ADAMTS17: variants seen among roughly 807,000 people sequenced by gnomAD.
ADAMTS17 encodes the protein A disintegrin and metalloproteinase with thrombospondin motifs 17.
Under a neutral mutation model 141.5 loss-of-function variants are expected in ADAMTS17, and 113 were observed. The observed-to-expected ratio is 0.80, with a 90% CI of 0.69 to 0.93. The LOEUF (loss-of-function observed/expected upper bound fraction) is 0.93, where lower values mean the gene tolerates loss of function less well. Ranked by LOEUF, ADAMTS17 falls within the 40% of genes least tolerant of loss-of-function variation. ADAMTS17 has a pLI of 0.00. For missense variants in ADAMTS17, 1,659 were observed against 1,517.9 expected, an observed-to-expected ratio of 1.09 and a Z score of -1.54; for synonymous variants, 768 against 630.6, an observed-to-expected ratio of 1.22 and a Z score of -3.27.
chr15:100,320,319 A>T lies in ADAMTS17; in HGVS notation c.616+10570T>A, dbSNP rs530205535. ...CGAGAGGGAGGCTGGGAAAATCACG[A>T]CAAGTCCCAAACAGAATAAACATGG... On this transcript the variant is annotated intron_variant, in intron 3 of 21. Transcript: ENST00000268070. Among the ~76,000 whole-genome samples the T allele has an allele frequency of 7.9e-5, 12 of 152,318 alleles. No homozygotes were observed. In the South Asian group the frequency reaches 2.5e-3, roughly 32 times the overall value.
At chr15:100,322,477 A>G (rs2045760863) in intron 3 of ADAMTS17, among the ~76,000 whole-genome samples, 1 of 152,230 alleles carries the variant, frequency 6.6e-6, no homozygotes, top group South Asian at 2.1e-4. Flanking sequence ...AATACTCTCC[A>G]GAGTAATAGA....
In ADAMTS17 at chr15:100,049,006, C is replaced by A; in HGVS notation, c.2456-14G>T. The A allele has an allele frequency of 6.2e-7, 1 of 1,614,166 alleles. No homozygotes were observed. Among genetic ancestry groups the A allele is most frequent in the Non-Finnish European group, 8.5e-7 (1 of 1,180,028 alleles). ...TTCTGCGCTCCCCTGGAAACCAAAC[C>A]ACAGGGAGCTGAGAGACTGTGGCTG... On this transcript the variant is annotated splice_polypyrimidine_tract_variant and intron_variant, in intron 17 of 21. Transcript: ENST00000268070.
At chr15:100,016,989 G>T (rs2061303393) in intron 18 of ADAMTS17, among the ~76,000 whole-genome samples, 1 of 152,154 alleles carries the variant, frequency 6.6e-6, no homozygotes, top group African/African-American at 2.4e-5. Flanking sequence ...ATTCAAGTGT[G>T]GGCAGGGGTG....
At position 100,261,493 on chromosome 15, in the gene ADAMTS17, G is replaced by A. The variant is rs4965613; in HGVS notation, c.1017C>T (p.Ala339=). Residue 339 remains alanine (A), a synonymous_variant, in exon 6 of 22, where the codon GCC becomes GCT. Coordinates refer to ENST00000268070, the MANE Select transcript of ADAMTS17 (RefSeq NM_139057.4). The part of the protein sequence containing the change: ...GKDDPPLVDA[A]VFVTRTDFCV... Reference sequence around the variant, plus strand: ...TCCCATCTTACCTGGTCACAAACACGGCAGCATCCACCAGGGGCGGGTCGT... The same window carrying A: ...TCCCATCTTACCTGGTCACAAACACAGCAGCATCCACCAGGGGCGGGTCGT... The A allele has an allele frequency of 0.68, 1,094,410 of 1,613,752 alleles. 372,144 individuals are homozygous for A. The highest frequency in any genetic ancestry group is 0.72 in the South Asian group (65,994 of 91,064).
intron 15 of ADAMTS17, among the ~76,000 whole-genome samples, chr15:100,055,884 C>T (rs964708545): frequency 6.6e-6 from 1 of 152,188 alleles, no homozygotes; most frequent in African/African-American, 2.4e-5. Flanking sequence ...GCAATGGGGG[C>T]AGAGAGAAGT....
intron 10 of ADAMTS17, among the ~76,000 whole-genome samples, chr15:100,147,105 T>G (rs776322655): frequency 4.6e-5 from 7 of 152,072 alleles, no homozygotes; most frequent in Non-Finnish European, 1.0e-4. Flanking sequence ...GCACACTCCC[T>G]CCCCTTTTGA....
intron 10 of ADAMTS17, among the ~76,000 whole-genome samples, chr15:100,148,324 A>T (rs1347342501): frequency 6.6e-6 from 1 of 152,222 alleles, no homozygotes; most frequent in Non-Finnish European, 1.5e-5. Flanking sequence ...CCACGAAATT[A>T]CTACTTCCAG....
At chr15:100,173,378 A>G (rs575690600) in intron 8 of ADAMTS17, among the ~76,000 whole-genome samples, 2 of 152,062 alleles carry the variant, frequency 1.3e-5, no homozygotes, top group South Asian at 2.1e-4. Context: ...GTCGATTTAC[A>G]ACCCAAAGTA....
intron 3 of ADAMTS17, among the ~76,000 whole-genome samples, chr15:100,282,765 T>C (rs939455068): frequency 6.6e-6 from 1 of 151,670 alleles, no homozygotes; most frequent in Non-Finnish European, 1.5e-5. Flanking sequence ...GGCAAAAAAA[T>C]GGAAATATAC....
At chr15:100,255,448 T>C (rs1163358883) in intron 6 of ADAMTS17, among the ~76,000 whole-genome samples, 3 of 152,116 alleles carry the variant, frequency 2.0e-5, no homozygotes, top group Non-Finnish European at 4.4e-5. Flanking sequence ...CCTAGAGACT[T>C]GATTTTTCCA....
In ADAMTS17 at chr15:100,304,359, T is replaced by C. The variant is rs140935480; in HGVS notation, c.617-22958A>G. Among the ~76,000 whole-genome samples, 799 of 152,342 alleles carry C rather than the reference T, an allele frequency of 5.2e-3. 8 individuals carry two copies. Among genetic ancestry groups the C allele is most frequent in the Middle Eastern group, 0.048 (14 of 294 alleles). On this transcript the variant is annotated intron_variant, in intron 3 of 21. Coordinates refer to ENST00000268070, the MANE Select transcript of ADAMTS17 (RefSeq NM_139057.4). ...GAGTAGCCCGTTTTGTCTGTTTGAA[T>C]GCTAGTATAATTTTTTTAACCTTAT...
chr15:100,046,505 A>T (rs547793048), intron 18 of ADAMTS17, among the ~76,000 whole-genome samples: 2 of 152,340 alleles, frequency 1.3e-5, no homozygotes, highest in South Asian at 4.1e-4. Flanking sequence ...AAACAGAACT[A>T]ATTTTAAAAC....
intron 16 of ADAMTS17, among the ~76,000 whole-genome samples, chr15:100,052,115 G>C (rs2032195582): frequency 6.6e-6 from 1 of 152,244 alleles, no homozygotes; most frequent in South Asian, 2.1e-4. Flanking sequence ...TTGCAGACAG[G>C]AAAGACACAG....
At chr15:100,181,050 C>T (rs1355863364) in intron 8 of ADAMTS17, among the ~76,000 whole-genome samples, 1 of 152,212 alleles carries the variant, frequency 6.6e-6, no homozygotes, top group Non-Finnish European at 1.5e-5. Flanking sequence ...GCCCTCTCCT[C>T]CCTCCTCTTT....
intron 15 of ADAMTS17, among the ~76,000 whole-genome samples, chr15:100,063,213 G>C (rs1252871269): frequency 1.3e-5 from 2 of 152,170 alleles, no homozygotes; most frequent in African/African-American, 2.4e-5. Context: ...TAGTGAAATT[G>C]GTATCCTTCT....
At chr15:100,010,576 C>T (rs1387919261) in intron 18 of ADAMTS17, among the ~76,000 whole-genome samples, 1 of 152,196 alleles carries the variant, frequency 6.6e-6, no homozygotes, top group Non-Finnish European at 1.5e-5. Flanking sequence ...CAGGCCCTTC[C>T]CAAAAAAGAC....
intron 7 of ADAMTS17, among the ~76,000 whole-genome samples, chr15:100,219,126 A>G (rs1263384705): frequency 2.0e-5 from 3 of 152,190 alleles, no homozygotes; most frequent in Admixed American, 6.5e-5. Flanking sequence ...TTCTGTTTAG[A>G]TGAAATGTCC....
Position 100,117,030 on chromosome 15 carries a change from G to A in ADAMTS17, c.1722-17C>T, listed in dbSNP as rs1419951102. ...GGCCCAGGGCTAGAAGGAAGAAGAA[G>A]GTCTGTGTTAACCAGGTGGTGCGAC... On this transcript the variant is annotated splice_polypyrimidine_tract_variant and intron_variant, in intron 12 of 21. Transcript: ENST00000268070. 1.7e-5 allele frequency: 27 copies of A among 1,594,732 alleles called. No homozygotes were observed. Among genetic ancestry groups the A allele is most frequent in the Non-Finnish European group, 2.3e-5 (27 of 1,171,374 alleles).
intron 18 of ADAMTS17, among the ~76,000 whole-genome samples, chr15:100,027,575 A>G (rs2061539507): frequency 6.6e-6 from 1 of 152,226 alleles, no homozygotes; most frequent in East Asian, 1.9e-4. Context: ...TTGTCTATAC[A>G]TTGTTTGTAG....
Sources: allele counts gnomAD v4.1 joint callset (sites outside exome capture counted in the v4.1 genomes callset), GRCh38; gene constraint gnomAD v4.1.1; transcripts MANE v1.5; gene names NCBI Gene and HGNC (gene_info 2026-07-23, HGNC 2026-07-21).